Variants in GORASP1 observed in about 807,000 individuals in gnomAD.
GORASP1 encodes the protein golgi reassembly stacking protein 1.
Under a neutral mutation model 37.7 loss-of-function variants are expected in GORASP1, and 31 were observed. The ratio of observed to expected loss-of-function variants is 0.82; its 90% CI spans 0.62 to 1.11. GORASP1 has a LOEUF of 1.11. Ranked by LOEUF, GORASP1 falls within the 50% of genes least tolerant of loss-of-function variation. The pLI, the probability that GORASP1 is intolerant of heterozygous loss-of-function variation, is 0.00. For missense variants in GORASP1, 476 were observed against 560.7 expected (o/e 0.85, Z 1.53); for synonymous variants, 204 against 224.8 (o/e 0.91, Z 0.83).
In GORASP1 at chr3:39,102,406, A is replaced by C; in HGVS notation, c.348+272T>G. On this transcript the variant is annotated intron_variant, in intron 3 of 8. Coordinates refer to ENST00000319283, the MANE Select transcript of GORASP1 (RefSeq NM_031899.4). The surrounding 1 kb of genome is among the most constrained non-coding windows in gnomAD (Gnocchi z 5.0). The stretch of plus-strand genomic sequence containing the variant: ...CACCATTCCAGTAGATGATATTTCT[A>C]CCTTTCAAATTAAGTAACCTAGGTA... 1.8e-6 allele frequency: 1 copy of C among 557,954 alleles called. No individual in the cohort carries two copies. The highest frequency in any genetic ancestry group is 2.2e-5 in the South Asian group (1 of 45,758). 34.6% of individuals were successfully genotyped at this position (557,954 alleles called of 1,614,324 possible). A position where few individuals can be genotyped will look rare whatever the true frequency, so the allele number is the denominator to read the frequency against.
chr3:39,107,085 C>T, intron 1 of GORASP1: 1 of 470,606 alleles, frequency 2.1e-6, no homozygotes, highest in Non-Finnish European at 4.2e-6. Context: ...GGCTGACTCT[C>T]TTCCCAGGCC....
rs1575449461 is a variant in GORASP1 at position 39,098,417 on chromosome 3, T to C, written c.1142A>G (p.Asp381Gly). The change falls in exon 9 of 9, where the codon GAC (aspartate) becomes GGC (glycine). Residue 381 changes from aspartate to glycine, a missense_variant. Physicochemically the swap from Asp to Gly is moderately conservative, Grantham distance 94. Coordinates refer to ENST00000319283, the MANE Select transcript of GORASP1 (RefSeq NM_031899.4). The surrounding 1 kb of genome is among the most constrained non-coding windows in gnomAD (Gnocchi z 4.7). ...LDSPGAQAQADHLPQLTLPDS... is the reference protein window; with the variant it reads ...LDSPGAQAQAGHLPQLTLPDS... The stretch of plus-strand genomic sequence containing the variant: ...AGGAAGAGTCAGCTGAGGCAGGTGG[T>C]CCGCCTGGGCTTGGGCACCTGGGCT... 6.2e-7 allele frequency: 1 copy of C among 1,614,092 alleles called. No homozygotes were observed. The highest frequency in any genetic ancestry group is 2.2e-5 in the East Asian group (1 of 44,878).
intron 1 of GORASP1, among the ~76,000 whole-genome samples, chr3:39,106,015 C>T (rs1346989528): frequency 2.6e-5 from 4 of 152,232 alleles, no homozygotes; most frequent in Non-Finnish European, 5.9e-5. Flanking sequence ...GAGGCCCTTC[C>T]TGACCACTCT....
rs965055322 is a variant in GORASP1, at chr3:39,100,323, C to T, written c.747G>A (p.Arg249=). 3 of 1,614,016 alleles carry T rather than the reference C, an allele frequency of 1.9e-6. No homozygotes were observed. Among genetic ancestry groups the T allele is most frequent in the Admixed American group, 1.7e-5 (1 of 60,000 alleles). The stretch of plus-strand genomic sequence containing the variant: ...CACATACCTCCATGTAGTCACTCTG[C>T]CTGGAACCTGTCTCCAGGGAAGGAG... ...EDSPSLETGS[R]QSDYMEALLQ... The change falls in exon 6 of 9, where the codon AGG becomes AGA. Residue 249 remains arginine (R), a synonymous_variant. Coordinates refer to ENST00000319283, the MANE Select transcript of GORASP1 (RefSeq NM_031899.4). This position sits in a 1 kb window ranked among gnomAD's most constrained non-coding sequence, Gnocchi z 4.6.
intron 1 of GORASP1, 123 bp downstream of exon 1, chr3:39,107,356 C>T: frequency 1.7e-6 from 1 of 604,066 alleles, no homozygotes; most frequent in Non-Finnish European, 2.4e-6. Flanking sequence ...CACCTCCCGC[C>T]ACCCAGGCGG....
intron 1 of GORASP1, chr3:39,106,984 C>G (rs570450097): frequency 2.3e-6 from 1 of 441,314 alleles, no homozygotes; most frequent in Non-Finnish European, 4.6e-6. Flanking sequence ...GAAGCCCTTA[C>G]GACCCTACGA....
intron 1 of GORASP1, 194 bp downstream of exon 1, chr3:39,107,285 A>G (rs543403187): frequency 1.0e-5 from 5 of 497,458 alleles, no homozygotes; most frequent in Non-Finnish European, 1.5e-5. Flanking sequence ...GCCGCGGACT[A>G]GCCAGGGTCC....
At position 39,102,433 on chromosome 3, in the gene GORASP1, A is replaced by G; in HGVS notation, c.348+245T>C. The G allele has an allele frequency of 1.7e-6, 1 of 585,070 alleles. No homozygotes were observed. The highest frequency in any genetic ancestry group is 3.1e-6 in the Non-Finnish European group (1 of 326,788). 36.2% of individuals were successfully genotyped at this position (585,070 alleles called of 1,614,324 possible). A position where few individuals can be genotyped will look rare whatever the true frequency, so the allele number is the denominator to read the frequency against. ...CTTTCAAATTAAGTAACCTAGGTAT[A>G]GAAGGTAAGAAAGTACCCAAAGTCA... is the stretch of plus-strand genomic sequence containing the variant. On this transcript the variant is annotated intron_variant, in intron 3 of 8. Coordinates refer to ENST00000319283, the MANE Select transcript of GORASP1 (RefSeq NM_031899.4). The surrounding 1 kb of genome is among the most constrained non-coding windows in gnomAD (Gnocchi z 5.0).
In GORASP1 at chr3:39,097,561, C is replaced by T; in HGVS notation, c.*675G>A. On this transcript the variant is annotated 3_prime_UTR_variant, in exon 9 of 9. Transcript: ENST00000319283. ...ATTCACTATTGGGGCTGGGTAGATGCCTTGTATATTTAGAAGAGATCACTG... is the reference window on the plus strand; with the variant it reads ...ATTCACTATTGGGGCTGGGTAGATGTCTTGTATATTTAGAAGAGATCACTG... 1 of 152,210 alleles carries T rather than the reference C, an allele frequency of 6.6e-6. No individual in the cohort carries two copies. Among genetic ancestry groups the T allele is most frequent in the Non-Finnish European group, 1.5e-5 (1 of 68,102 alleles). 9.4% of individuals were successfully genotyped at this position (152,210 alleles called of 1,614,324 possible).
At chr3:39,099,127 G>C in intron 7 of GORASP1, 1 of 774,852 alleles carries the variant, frequency 1.3e-6, no homozygotes, top group African/African-American at 1.7e-5. Flanking sequence ...AGTAGGCATA[G>C]ACTCTGCTCT....
At chr3:39,107,433 T>C in intron 1 of GORASP1, 46 bp downstream of exon 1, 1 of 1,237,030 alleles carries the variant, frequency 8.1e-7, no homozygotes, top group South Asian at 2.7e-5. Flanking sequence ...GGGCGCGGGG[T>C]TGCGGGCGCC....
chr3:39,100,585 A>G lies in GORASP1; in HGVS notation c.567-82T>C. On this transcript the variant is annotated intron_variant, in intron 5 of 8. Coordinates refer to ENST00000319283, the MANE Select transcript of GORASP1 (RefSeq NM_031899.4). The surrounding 1 kb of genome is among the most constrained non-coding windows in gnomAD (Gnocchi z 4.6). Reference sequence around the variant, plus strand: ...TTGCTATCCCCACCTACTACCAGCAATAAGGGGGCTGAAAAGGGTACTTCT... The same window carrying G: ...TTGCTATCCCCACCTACTACCAGCAGTAAGGGGGCTGAAAAGGGTACTTCT... 6.8e-7 allele frequency: 1 copy of G among 1,481,256 alleles called. No individual in the cohort carries two copies. Among genetic ancestry groups the G allele is most frequent in the Non-Finnish European group, 9.1e-7 (1 of 1,099,330 alleles). 91.8% of individuals were successfully genotyped at this position (1,481,256 alleles called of 1,614,324 possible). A position where few individuals can be genotyped will look rare whatever the true frequency, so the allele number is the denominator to read the frequency against.
intron 1 of GORASP1, among the ~76,000 whole-genome samples, chr3:39,104,814 T>G (rs934179976): frequency 1.3e-5 from 2 of 152,242 alleles, no homozygotes; most frequent in Non-Finnish European, 2.9e-5. Context: ...CTGGGCCTAG[T>G]TGGCCTGGCC....
chr3:39,101,209 C>T (rs886065813), intron 3 of GORASP1, 107 bp from the exon 4 acceptor site: 23 of 946,854 alleles, frequency 2.4e-5, no homozygotes, highest in Non-Finnish European at 3.5e-5. Context: ...GACACTTGTC[C>T]TCTATCCCTA....
In GORASP1 at chr3:39,098,145, A is replaced by C. The variant is rs1343040979; in HGVS notation, c.*91T>G. On this transcript the variant is annotated 3_prime_UTR_variant, in exon 9 of 9. Transcript: ENST00000319283. This position sits in a 1 kb window ranked among gnomAD's most constrained non-coding sequence, Gnocchi z 4.7. ...GGCCTCATGTCCCACCAAAGCAGCA[A>C]GGAATCCTGACCGCATAGTGCAGCC... 6.9e-7 allele frequency: 1 copy of C among 1,459,672 alleles called. No individual in the cohort carries two copies. The highest frequency in any genetic ancestry group is 1.4e-5 in the African/African-American group (1 of 71,382). 90.4% of individuals were successfully genotyped at this position (1,459,672 alleles called of 1,614,324 possible).
rs75919597 is a variant in GORASP1 at position 39,105,846 on chromosome 3, C to G, written c.63+1633G>C. On this transcript the variant is annotated intron_variant, in intron 1 of 8. Transcript: ENST00000319283. The surrounding 1 kb of genome is among the most constrained non-coding windows in gnomAD (Gnocchi z 5.4). ...CACTGGCCACACCATCCAAGCACAC[C>G]AGCCTCACCTGGCATTTCCTCAAAC... Among the ~76,000 whole-genome samples the G allele has an allele frequency of 2.0e-5, 3 of 152,206 alleles. No homozygotes were observed. The East Asian group carries it at 5.8e-4, about 29-fold the overall frequency.
intron 1 of GORASP1, among the ~76,000 whole-genome samples, chr3:39,104,676 A>G (rs746179981): frequency 1.3e-5 from 2 of 152,220 alleles, no homozygotes; most frequent in South Asian, 4.1e-4. Context: ...CAAACCGCTG[A>G]GATCAAGGCC....
At position 39,107,552 on chromosome 3, in the gene GORASP1, C is replaced by T. The variant is rs1454780660; in HGVS notation, c.-11G>A. 1.3e-6 allele frequency: 2 copies of T among 1,488,870 alleles called. No individual in the cohort carries two copies. The highest frequency in any genetic ancestry group is 1.3e-5 in the South Asian group (1 of 76,688). 92.2% of individuals were successfully genotyped at this position (1,488,870 alleles called of 1,614,324 possible). ...GACGCCCAGGCCCATGGCAGCGGCT[C>T]CGCTCGGCACCCAGGTCCAGTCCCG... On this transcript the variant is annotated 5_prime_UTR_variant, in exon 1 of 9. Coordinates refer to ENST00000319283, the MANE Select transcript of GORASP1 (RefSeq NM_031899.4).
In GORASP1 at chr3:39,105,574, T is replaced by C. The variant is rs1270080230; in HGVS notation, c.63+1905A>G. 6.6e-6 allele frequency among the ~76,000 whole-genome samples: 1 copy of C among 152,168 alleles called. No individual in the cohort carries two copies. Among genetic ancestry groups the C allele is most frequent in the African/African-American group, 2.4e-5 (1 of 41,436 alleles). On this transcript the variant is annotated intron_variant, in intron 1 of 8. Coordinates refer to ENST00000319283, the MANE Select transcript of GORASP1 (RefSeq NM_031899.4). The surrounding 1 kb of genome is among the most constrained non-coding windows in gnomAD (Gnocchi z 5.4). ...AACCACTGCCCTCTCCTAACAGCTGTTTCCTGGTGAATCTGCCACTACTCT... is the reference window on the plus strand; with the variant it reads ...AACCACTGCCCTCTCCTAACAGCTGCTTCCTGGTGAATCTGCCACTACTCT...
Sources: gnomAD v4.1 joint callset for allele counts (sites outside exome capture counted in the v4.1 genomes callset) on GRCh38, gnomAD v4.1.1 for gene constraint, Gnocchi (gnomAD v3.1) non-coding constraint, MANE v1.5 for transcripts, NCBI Gene and HGNC (gene_info 2026-07-23, HGNC 2026-07-21) for gene names.